DNAJB14: variants seen among roughly 807,000 people sequenced by gnomAD.
The protein encoded by DNAJB14 is DnaJ heat shock protein family (Hsp40) member B14, also known as dnaJ homolog subfamily B member 14.
A neutral mutation model predicts 48.4 loss-of-function variants in DNAJB14; 22 were observed. The ratio of observed to expected loss-of-function variants is 0.45; its 90% CI spans 0.32 to 0.65. DNAJB14 has a LOEUF of 0.65. Ranked by LOEUF, DNAJB14 falls within the 30% of genes least tolerant of loss-of-function variation. DNAJB14 has a pLI of 0.03. For synonymous variants in DNAJB14, 142 were observed against 158.7 expected (o/e 0.89, Z 0.79); for missense variants, 319 against 458.8 (o/e 0.70, Z 2.78).
chr4:99,917,439 A>G (rs1725895751), intron 3 of DNAJB14, among the ~76,000 whole-genome samples: 1 of 152,120 alleles, frequency 6.6e-6, no homozygotes, highest in Admixed American at 6.6e-5. Flanking sequence ...TGGTTCACAA[A>G]TGGTTCCTTC....
Position 99,908,912 on chromosome 4 carries a change from G to A in DNAJB14, c.452-16C>T, listed in dbSNP as rs775013743. The stretch of plus-strand genomic sequence containing the variant: ...TTTCCAATCTCTGAAAAAGTAATGA[G>A]TAAAAGTTGGTAAGCAAAGTTTTTA... On this transcript the variant is annotated splice_polypyrimidine_tract_variant and intron_variant, in intron 3 of 7. Coordinates refer to ENST00000442697, the MANE Select transcript of DNAJB14 (RefSeq NM_001031723.4). 6.7e-7 allele frequency: 1 copy of A among 1,497,434 alleles called. No individual in the cohort carries two copies. The highest frequency in any genetic ancestry group is 8.9e-7 in the Non-Finnish European group (1 of 1,125,114). 92.8% of individuals were successfully genotyped at this position (1,497,434 alleles called of 1,614,324 possible).
intron 2 of DNAJB14, chr4:99,928,217 CT>C (rs1726325676): frequency 6.5e-6 from 1 of 152,918 alleles, no homozygotes; most frequent in Non-Finnish European, 1.5e-5. Flanking sequence ...CTTTGCTTTT[CT>C]CCTCTGCAAA....
chr4:99,946,340 G>T (rs1249756935), intron 1 of DNAJB14, 99 bp downstream of exon 1: 1 of 1,521,406 alleles, frequency 6.6e-7, no homozygotes. Flanking sequence ...ACAGGCCGGG[G>T]GCCCCGCAGG....
intron 3 of DNAJB14, among the ~76,000 whole-genome samples, chr4:99,919,282 T>C (rs1423089543): frequency 1.3e-5 from 2 of 152,016 alleles, no homozygotes; most frequent in Admixed American, 1.3e-4. Flanking sequence ...CTGGGATATA[T>C]ATGGGGTAAA....
At chr4:99,905,756 T>C in intron 5 of DNAJB14, 50 bp from the exon 6 acceptor site, 1 of 1,547,236 alleles carries the variant, frequency 6.5e-7, no homozygotes. Context: ...CTGTAGTTGT[T>C]AATAATACAA....
intron 1 of DNAJB14, among the ~76,000 whole-genome samples, chr4:99,940,372 C>G (rs1726847322): frequency 1.3e-5 from 2 of 152,078 alleles, no homozygotes; most frequent in African/African-American, 4.8e-5. Flanking sequence ...GCAGGTGGAT[C>G]ACTTGAGGTC....
At chr4:99,943,120 T>G (rs1189206556) in intron 1 of DNAJB14, among the ~76,000 whole-genome samples, 1 of 152,172 alleles carries the variant, frequency 6.6e-6, no homozygotes, top group Non-Finnish European at 1.5e-5. Context: ...GCATATAACT[T>G]TATTTCAGCT....
At position 99,903,581 on chromosome 4, in the gene DNAJB14, T is replaced by C. The variant is rs1363253384; in HGVS notation, c.1015+145A>G. 7.5e-6 allele frequency: 6 copies of C among 795,390 alleles called. No individual in the cohort carries two copies. The African/African-American group carries it at 1.1e-4, about 14-fold the overall frequency. 49.3% of individuals were successfully genotyped at this position (795,390 alleles called of 1,614,324 possible). On this transcript the variant is annotated intron_variant, in intron 7 of 7. Transcript: ENST00000442697. ...CAATTCCGATGTTAGGCCACATGTA[T>C]ATAAAACACATGATCTCATTTAAGT...
chr4:99,923,402 C>T (rs990037813), intron 2 of DNAJB14, among the ~76,000 whole-genome samples: 4 of 151,980 alleles, frequency 2.6e-5, no homozygotes, highest in African/African-American at 9.7e-5. Flanking sequence ...AAGAGTAAAC[C>T]ATGAAAATGT....
At chr4:99,922,714 C>A (rs1726105164) in intron 3 of DNAJB14, 2 of 173,564 alleles carry the variant, frequency 1.2e-5, no homozygotes, top group African/African-American at 4.7e-5. Flanking sequence ...GCTTTTAGTT[C>A]ATTTAGAACC....
In DNAJB14 at chr4:99,898,269, T is replaced by C. The variant is rs1197963756; in HGVS notation, c.*2759A>G. The C allele has an allele frequency of 6.6e-6, 1 of 151,984 alleles. No individual in the cohort carries two copies. The highest frequency in any genetic ancestry group is 1.5e-5 in the Non-Finnish European group (1 of 67,848). The allele number at this position is 151,984 out of a possible 1,614,324, so 9.4% of individuals were successfully genotyped here. On this transcript the variant is annotated 3_prime_UTR_variant, in exon 8 of 8. Transcript: ENST00000442697. Reference sequence around the variant, plus strand: ...ATATATGCCTTAAGGACTGTACTTTTCTCTACCAAATCTTTGTAAATCATA... The same window carrying C: ...ATATATGCCTTAAGGACTGTACTTTCCTCTACCAAATCTTTGTAAATCATA...
chr4:99,904,884 CTG>C (rs1483169499), intron 6 of DNAJB14, among the ~76,000 whole-genome samples: 1 of 151,928 alleles, frequency 6.6e-6, no homozygotes, highest in Non-Finnish European at 1.5e-5. Flanking sequence ...TTTAAATATA[CTG>C]TGTTTTTATA....
chr4:99,919,166 G>A (rs1235835626), intron 3 of DNAJB14, among the ~76,000 whole-genome samples: 3 of 152,032 alleles, frequency 2.0e-5, no homozygotes, highest in African/African-American at 7.2e-5. Context: ...GTCTTTCTAG[G>A]CTATCCCTTT....
chr4:99,946,509 G>A lies in DNAJB14; in HGVS notation c.63C>T (p.Ala21=), dbSNP rs781370765. 1 of 1,613,890 alleles carries A rather than the reference G, an allele frequency of 6.2e-7. No homozygotes were observed. Among genetic ancestry groups the A allele is most frequent in the South Asian group, 1.1e-5 (1 of 91,074 alleles). The change falls in exon 1 of 8, where the codon GCC becomes GCT. Residue 21 remains alanine (A), a synonymous_variant. Transcript: ENST00000442697. ...CVEIAREALN[A]GNREKAQRFL... ...AGCGCTGGGCCTTCTCGCGGTTGCCGGCGTTCAGGGCCTCCCGGGCGATCT... is the reference window on the plus strand; with the variant it reads ...AGCGCTGGGCCTTCTCGCGGTTGCCAGCGTTCAGGGCCTCCCGGGCGATCT...
chr4:99,917,759 C>G (rs922758606), intron 3 of DNAJB14, among the ~76,000 whole-genome samples: 1 of 152,162 alleles, frequency 6.6e-6, no homozygotes, highest in Non-Finnish European at 1.5e-5. Flanking sequence ...GTATAGGATT[C>G]TAGGTTGACA....
At chr4:99,915,167 G>T (rs927291538) in intron 3 of DNAJB14, among the ~76,000 whole-genome samples, 7 of 152,108 alleles carry the variant, frequency 4.6e-5, no homozygotes, top group Non-Finnish European at 1.0e-4. Context: ...CCTTTAGCTG[G>T]TCTTCTCAAA....
In DNAJB14 at chr4:99,938,097, C is replaced by CAAAAAAAAAAAAAAAAAAAAAA. The variant is rs59597113; in HGVS notation, c.134-7498_134-7477dup. On this transcript the variant is annotated intron_variant, in intron 1 of 7. Coordinates refer to ENST00000442697, the MANE Select transcript of DNAJB14 (RefSeq NM_001031723.4). ...ACATGGCGAAACCATGTTAAAAATA[C>CAAAAAAAAAAAAAAAAAAAAAA]AAAAAAAAAAAAAAAAAAAAAAAAA... 5.6e-4 allele frequency among the ~76,000 whole-genome samples: 23 copies of CAAAAAAAAAAAAAAAAAAAAAA among 40,978 alleles called. 1 individual carries two copies. The highest frequency in any genetic ancestry group is 1.3e-3 in the African/African-American group (17 of 12,712). The allele number at this position is 40,978 out of a possible 152,430, so 26.9% of individuals were successfully genotyped here.
At chr4:99,914,941 A>AT (rs1725796968) in intron 3 of DNAJB14, among the ~76,000 whole-genome samples, 2 of 151,584 alleles carry the variant, frequency 1.3e-5, no homozygotes, top group Admixed American at 1.3e-4. Flanking sequence ...AATTTTATTG[A>AT]TTTTTTTCAG....
At chr4:99,906,468 T>C in intron 5 of DNAJB14, 49 bp downstream of exon 5, 2 of 1,564,298 alleles carry the variant, frequency 1.3e-6, no homozygotes, top group Non-Finnish European at 1.8e-6. Flanking sequence ...TCTAATTACT[T>C]TTCCTGAGCT....
Sources: allele counts gnomAD v4.1 joint callset (sites outside exome capture counted in the v4.1 genomes callset), GRCh38; gene constraint gnomAD v4.1.1; transcripts MANE v1.5; gene names NCBI Gene and HGNC (gene_info 2026-07-23, HGNC 2026-07-21).